The following ZDHHC3 variants were observed in gnomAD, a reference collection of about 807,000 sequenced individuals.
ZDHHC3 encodes palmitoyltransferase ZDHHC3.
ZDHHC3 carries 9 observed loss-of-function variants against 30.6 expected under a neutral mutation model. That is an observed-to-expected ratio of 0.29 (90% confidence interval 0.18 to 0.51). The LOEUF (loss-of-function observed/expected upper bound fraction) is 0.51, where lower values mean the gene tolerates loss of function less well. Ranked by LOEUF, ZDHHC3 falls within the 20% of genes least tolerant of loss-of-function variation. The pLI, the probability that ZDHHC3 is intolerant of heterozygous loss-of-function variation, is 0.97. For synonymous variants in ZDHHC3, 136 were observed against 140.2 expected (o/e 0.97, Z 0.21); for missense variants, 246 against 384.2 (o/e 0.64, Z 3.01).
chr3:44,969,136 G>A (rs1705200345), intron 1 of ZDHHC3, among the ~76,000 whole-genome samples: 1 of 152,210 alleles, frequency 6.6e-6, no homozygotes, highest in Non-Finnish European at 1.5e-5. Flanking sequence ...TACTCTCATA[G>A]TTTGTGAACC....
At position 44,925,352 on chromosome 3, in the gene ZDHHC3, G is replaced by A. The variant is rs940367182; in HGVS notation, c.*1337C>T. On this transcript the variant is annotated 3_prime_UTR_variant, in exon 7 of 7. Transcript: ENST00000424952. The stretch of plus-strand genomic sequence containing the variant: ...CCCACCCCAAGCAAAAGCTAAAAAA[G>A]GGGGTTTCTGGCAATTGCTTAAAAA... 4 of 985,700 alleles carry A rather than the reference G, an allele frequency of 4.1e-6. No homozygotes were observed. Among genetic ancestry groups the A allele is most frequent in the African/African-American group, 1.7e-5 (1 of 57,256 alleles). 61.1% of individuals were successfully genotyped at this position (985,700 alleles called of 1,614,324 possible).
At position 44,921,116 on chromosome 3, in the gene ZDHHC3, A is replaced by G. The variant is rs1700559719; in HGVS notation, c.*5573T>C. ...CATAGTCGACACCAGAAGCTCTTGC[A>G]GGGTGTGTGATGGGCCTTTTGGCCC... On this transcript the variant is annotated 3_prime_UTR_variant, in exon 7 of 7. Transcript: ENST00000424952. The G allele has an allele frequency of 1.0e-6, 1 of 985,346 alleles. No individual in the cohort carries two copies. The highest frequency in any genetic ancestry group is 1.2e-6 in the Non-Finnish European group (1 of 829,946). The allele number at this position is 985,346 out of a possible 1,614,324, so 61.0% of individuals were successfully genotyped here. A position where few individuals can be genotyped will look rare whatever the true frequency, so the allele number is the denominator to read the frequency against.
intron 1 of ZDHHC3, among the ~76,000 whole-genome samples, chr3:44,973,704 G>A (rs1380265125): frequency 6.6e-6 from 1 of 151,992 alleles, no homozygotes; most frequent in Non-Finnish European, 1.5e-5. Flanking sequence ...GTGATCCACC[G>A]GCCTCGGCCT....
chr3:44,932,840 T>A (rs1701614836), intron 5 of ZDHHC3: 1 of 1,511,448 alleles, frequency 6.6e-7, no homozygotes, highest in Admixed American at 1.7e-5. Flanking sequence ...CTGTGCTTGC[T>A]TGGGGCCTGC....
chr3:44,932,673 C>G (rs1301999568), intron 5 of ZDHHC3, among the ~76,000 whole-genome samples: 1 of 152,052 alleles, frequency 6.6e-6, no homozygotes, highest in African/African-American at 2.4e-5. Context: ...TCACAAAAAC[C>G]AAAGAAATTA....
At chr3:44,967,260 T>A (rs1338138866) in intron 1 of ZDHHC3, among the ~76,000 whole-genome samples, 1 of 152,234 alleles carries the variant, frequency 6.6e-6, no homozygotes, top group East Asian at 1.9e-4. Flanking sequence ...CCTACCAATG[T>A]CCTTCATTTC....
rs1036885182 is a variant in ZDHHC3 at position 44,922,175 on chromosome 3, T to C, written c.*4514A>G. ...ATGAGGTGATCCTAAGCCAGATACATATTTAAAGAATACAAGAAAAAGCCA... is the reference window on the plus strand; with the variant it reads ...ATGAGGTGATCCTAAGCCAGATACACATTTAAAGAATACAAGAAAAAGCCA... On this transcript the variant is annotated 3_prime_UTR_variant, in exon 7 of 7. Coordinates refer to ENST00000424952, the MANE Select transcript of ZDHHC3 (RefSeq NM_001135179.2). 8 of 985,346 alleles carry C rather than the reference T, an allele frequency of 8.1e-6. No homozygotes were observed. Among genetic ancestry groups the C allele is most frequent in the Middle Eastern group, 5.2e-4 (1 of 1,936 alleles). 61.0% of individuals were successfully genotyped at this position (985,346 alleles called of 1,614,324 possible).
At chr3:44,957,975 G>A (rs1008581735) in intron 2 of ZDHHC3, among the ~76,000 whole-genome samples, 19 of 152,186 alleles carry the variant, frequency 1.2e-4, no homozygotes, top group Non-Finnish European at 2.9e-5. Flanking sequence ...TTTTCAGCAT[G>A]ACCATATAGA....
At chr3:44,945,056 T>C in intron 3 of ZDHHC3, 112 bp downstream of exon 3, 1 of 1,488,766 alleles carries the variant, frequency 6.7e-7, no homozygotes, top group Non-Finnish European at 9.2e-7. Context: ...ATCCCGATGC[T>C]GACTTGGCCC....
chr3:44,946,436 G>A (rs1232364245), intron 2 of ZDHHC3, among the ~76,000 whole-genome samples: 1 of 152,200 alleles, frequency 6.6e-6, no homozygotes, highest in African/African-American at 2.4e-5. Flanking sequence ...GCTTGGTGCT[G>A]AGCCCTGTGC....
intron 1 of ZDHHC3, among the ~76,000 whole-genome samples, chr3:44,969,249 G>A (rs1705210171): frequency 6.6e-6 from 1 of 152,184 alleles, no homozygotes; most frequent in African/African-American, 2.4e-5. Flanking sequence ...TGTGGGATAT[G>A]CTGAATGTAG....
Position 44,920,940 on chromosome 3 carries a change from T to C in ZDHHC3, c.*5749A>G. Reference sequence around the variant, plus strand: ...TGTATAAAAATGGGCTGAGGGCTGCTTTTTCCTGGTAGGACTCAATTTTGA... The same window carrying C: ...TGTATAAAAATGGGCTGAGGGCTGCCTTTTCCTGGTAGGACTCAATTTTGA... On this transcript the variant is annotated 3_prime_UTR_variant, in exon 7 of 7. Transcript: ENST00000424952. 1.0e-6 allele frequency: 1 copy of C among 985,430 alleles called. No individual in the cohort carries two copies. The highest frequency in any genetic ancestry group is 1.2e-6 in the Non-Finnish European group (1 of 829,936). 61.0% of individuals were successfully genotyped at this position (985,430 alleles called of 1,614,324 possible).
intron 1 of ZDHHC3, among the ~76,000 whole-genome samples, chr3:44,968,064 G>C (rs1183053589): frequency 6.6e-6 from 1 of 152,198 alleles, no homozygotes; most frequent in Non-Finnish European, 1.5e-5. Flanking sequence ...TGAGGTGGTG[G>C]TGGAGCCAGG....
At chr3:44,972,890 G>A (rs1705520164) in intron 1 of ZDHHC3, among the ~76,000 whole-genome samples, 1 of 152,154 alleles carries the variant, frequency 6.6e-6, no homozygotes, top group Non-Finnish European at 1.5e-5. Context: ...ATCTGAGTAT[G>A]GCATACGGTT....
intron 2 of ZDHHC3, among the ~76,000 whole-genome samples, chr3:44,947,672 T>C (rs1357664078): frequency 6.6e-6 from 1 of 152,182 alleles, no homozygotes; most frequent in East Asian, 1.9e-4. Context: ...AGCACTACTA[T>C]AAAAAAACTA....
chr3:44,921,707 T>G lies in ZDHHC3; in HGVS notation c.*4982A>C. Reference sequence around the variant, plus strand: ...TGTGATTTAGATTATCATTCCCGTTTTCAGATGAAAAAACTGAGGCTTAAA... The same window carrying G: ...TGTGATTTAGATTATCATTCCCGTTGTCAGATGAAAAAACTGAGGCTTAAA... On this transcript the variant is annotated 3_prime_UTR_variant, in exon 7 of 7. Coordinates refer to ENST00000424952, the MANE Select transcript of ZDHHC3 (RefSeq NM_001135179.2). 1 of 966,828 alleles carries G rather than the reference T, an allele frequency of 1.0e-6. No individual in the cohort carries two copies. The highest frequency in any genetic ancestry group is 1.2e-6 in the Non-Finnish European group (1 of 812,978). The allele number at this position is 966,828 out of a possible 1,614,324, so 59.9% of individuals were successfully genotyped here.
intron 4 of ZDHHC3, 98 bp from the exon 5 acceptor site, chr3:44,933,297 A>C (rs779311621): frequency 8.8e-7 from 1 of 1,133,304 alleles, no homozygotes; most frequent in Non-Finnish European, 1.3e-6. Flanking sequence ...ACTCAGGAAC[A>C]CTTAGTCAGG....
chr3:44,955,798 G>A (rs1169748407), intron 2 of ZDHHC3, among the ~76,000 whole-genome samples: 1 of 152,148 alleles, frequency 6.6e-6, no homozygotes, highest in Non-Finnish European at 1.5e-5. Context: ...TCTCTGTTTT[G>A]CATACTGGGT....
intron 3 of ZDHHC3, among the ~76,000 whole-genome samples, chr3:44,937,297 A>T (rs1702046859): frequency 6.6e-6 from 1 of 152,002 alleles, no homozygotes; most frequent in Non-Finnish European, 1.5e-5. Flanking sequence ...TAAAAAAATT[A>T]GCCGGGTGTG....
Sources: gnomAD v4.1 joint callset for allele counts (sites outside exome capture counted in the v4.1 genomes callset) on GRCh38, gnomAD v4.1.1 for gene constraint, MANE v1.5 for transcripts, NCBI Gene and HGNC (gene_info 2026-07-23, HGNC 2026-07-21) for gene names.